The following AGAP1 variants were observed in gnomAD, a reference collection of about 807,000 sequenced individuals.
AGAP1 encodes the protein arf-GAP with GTPase, ANK repeat and PH domain-containing protein 1.
AGAP1 carries 29 observed loss-of-function variants against 105.3 expected under a neutral mutation model. That is an observed-to-expected ratio of 0.28 (90% confidence interval 0.21 to 0.38). AGAP1 has a LOEUF of 0.38. Among genes scored for constraint, AGAP1 ranks in the 10% least tolerant of loss-of-function variants. The pLI, the probability that AGAP1 is intolerant of heterozygous loss-of-function variation, is 1.00. For synonymous variants in AGAP1, 509 were observed against 485.9 expected (o/e 1.05, Z -0.63); for missense variants, 998 against 1,165.1 (o/e 0.86, Z 2.09).
intron 2 of AGAP1, 111 bp downstream of exon 2, chr2:235,709,348 T>C: frequency 8.1e-7 from 1 of 1,233,596 alleles, no homozygotes; most frequent in Non-Finnish European, 1.2e-6. Context: ...AGTGGAAGTG[T>C]GACTCTGGGT....
intron 1 of AGAP1, among the ~76,000 whole-genome samples, chr2:235,524,100 T>C (rs565801516): frequency 6.6e-6 from 1 of 152,316 alleles, no homozygotes; most frequent in East Asian, 1.9e-4. Flanking sequence ...AAGGGCTGTG[T>C]CACTGTAGAC....
At chr2:235,991,226 T>C (rs910508332) in intron 13 of AGAP1, among the ~76,000 whole-genome samples, 41 of 152,384 alleles carry the variant, frequency 2.7e-4, no homozygotes, top group Non-Finnish European at 4.9e-4. Flanking sequence ...AGAATTATTA[T>C]GCATTTCTTA....
At chr2:235,804,909 C>T (rs1425583109) in intron 8 of AGAP1, among the ~76,000 whole-genome samples, 3 of 152,308 alleles carry the variant, frequency 2.0e-5, no homozygotes, top group South Asian at 2.1e-4. Flanking sequence ...GATGATTCCT[C>T]GGATCCATTC....
Position 235,970,206 on chromosome 2 carries a change from TAAAAAAAAAA to T in AGAP1, c.1645+1596_1645+1605del, listed in dbSNP as rs35825564. ...GGGCGACAGAGTGAGACTCTGTCTTTAAAAAAAAAAAAAAAAAAAAAAGACGATTTTTCTC... is the reference window on the plus strand; with the variant it reads ...GGGCGACAGAGTGAGACTCTGTCTTTAAAAAAAAAAAAGACGATTTTTCTC... On this transcript the variant is annotated intron_variant, in intron 13 of 17. Transcript: ENST00000304032. The surrounding 1 kb of genome is among the most constrained non-coding windows in gnomAD (Gnocchi z 5.4). 6.8e-5 allele frequency among the ~76,000 whole-genome samples: 8 copies of T among 117,904 alleles called. No individual in the cohort carries two copies. Among genetic ancestry groups the T allele is most frequent in the Non-Finnish European group, 1.4e-4 (8 of 58,382 alleles). 77.3% of individuals were successfully genotyped at this position (117,904 alleles called of 152,430 possible). A position where few individuals can be genotyped will look rare whatever the true frequency, so the allele number is the denominator to read the frequency against.
chr2:236,027,279 T>G lies in AGAP1; in HGVS notation c.1646-9282T>G, dbSNP rs1452799660. Among the ~76,000 whole-genome samples the G allele has an allele frequency of 6.6e-6, 1 of 152,076 alleles. No individual in the cohort carries two copies. Among genetic ancestry groups the G allele is most frequent in the Admixed American group, 6.6e-5 (1 of 15,266 alleles). ...AAAATGAAGCCACCTAAAGACAGGA[T>G]CCTGGGAAACACATGGGCCTAGCAT... On this transcript the variant is annotated intron_variant, in intron 13 of 17. Coordinates refer to ENST00000304032, the MANE Select transcript of AGAP1 (RefSeq NM_001037131.3). The surrounding 1 kb of genome is among the most constrained non-coding windows in gnomAD (Gnocchi z 4.4).
intron 9 of AGAP1, among the ~76,000 whole-genome samples, chr2:235,869,323 G>T (rs1002117613): frequency 1.4e-5 from 2 of 145,966 alleles, no homozygotes; most frequent in African/African-American, 5.0e-5. Context: ...GGTGGCTCAC[G>T]CCTGTAATCC....
chr2:235,495,580 G>A (rs1157427936), intron 1 of AGAP1, among the ~76,000 whole-genome samples: 1 of 152,184 alleles, frequency 6.6e-6, no homozygotes, highest in Non-Finnish European at 1.5e-5. Flanking sequence ...TTTTAAGAGG[G>A]GCAGGATGCT....
At chr2:235,681,212 T>C (rs897223762) in intron 1 of AGAP1, among the ~76,000 whole-genome samples, 13 of 152,194 alleles carry the variant, frequency 8.5e-5, no homozygotes, top group African/African-American at 2.9e-4. Flanking sequence ...GGCTTCACCG[T>C]GTTAGCCAGG....
intron 9 of AGAP1, chr2:235,852,791 A>T (rs1290495143): frequency 6.5e-7 from 1 of 1,534,750 alleles, no homozygotes; most frequent in South Asian, 1.2e-5. Context: ...GGGTGGTCAG[A>T]CCAGCCCGCA....
At chr2:235,800,782 C>T (rs1455529873) in intron 8 of AGAP1, among the ~76,000 whole-genome samples, 2 of 152,282 alleles carry the variant, frequency 1.3e-5, no homozygotes, top group Non-Finnish European at 2.9e-5. Context: ...GGGTAGCAAC[C>T]AGGGGTGCTG....
At chr2:235,591,195 T>C (rs1383362091) in intron 1 of AGAP1, among the ~76,000 whole-genome samples, 1 of 152,028 alleles carries the variant, frequency 6.6e-6, no homozygotes, top group African/African-American at 2.4e-5. Context: ...TTTGCATTTT[T>C]AGTAGAGATG....
intron 11 of AGAP1, among the ~76,000 whole-genome samples, chr2:235,923,141 G>A (rs531488921): frequency 2.6e-5 from 4 of 152,302 alleles, no homozygotes; most frequent in Admixed American, 6.5e-5. Flanking sequence ...GGGCCATGTC[G>A]TCAGTCATGT....
chr2:235,766,820 C>G (rs1207439534), intron 6 of AGAP1, among the ~76,000 whole-genome samples: 1 of 151,924 alleles, frequency 6.6e-6, no homozygotes, highest in Non-Finnish European at 1.5e-5. Flanking sequence ...CGGCTCACTG[C>G]TACCTCCACT....
At chr2:235,838,545 C>G (rs1960439149) in intron 9 of AGAP1, among the ~76,000 whole-genome samples, 3 of 152,138 alleles carry the variant, frequency 2.0e-5, no homozygotes, top group Non-Finnish European at 4.4e-5. Context: ...TTGTACCAGC[C>G]AGCATTTACT....
At chr2:235,841,825 T>C (rs938621831) in intron 9 of AGAP1, among the ~76,000 whole-genome samples, 2 of 152,198 alleles carry the variant, frequency 1.3e-5, no homozygotes, top group Admixed American at 6.5e-5. Context: ...GCATAAGTTA[T>C]ATTCCTGCCT....
intron 9 of AGAP1, chr2:235,852,562 A>G (rs1036693192): frequency 8.6e-6 from 8 of 934,782 alleles, no homozygotes; most frequent in African/African-American, 6.7e-5. Context: ...GTCAAGTTTT[A>G]TCTCTTAATG....
chr2:235,832,971 C>T (rs530877496), intron 9 of AGAP1, among the ~76,000 whole-genome samples: 49 of 152,322 alleles, frequency 3.2e-4, no homozygotes, highest in Admixed American at 3.9e-4. Context: ...CTGCCCTGAC[C>T]GAGGACCAGG....
rs561012814 is a variant in AGAP1 at position 236,080,760 on chromosome 2, C to T, written c.2114+31479C>T. ...TAGAGGCTGTGAGAGAGTCCATGCC[C>T]CTGTCTGTTCCAGCTTCTAGAAGCT... is the stretch of plus-strand genomic sequence containing the variant. On this transcript the variant is annotated intron_variant, in intron 16 of 17. Transcript: ENST00000304032. This position sits in a 1 kb window ranked among gnomAD's most constrained non-coding sequence, Gnocchi z 4.2. Among the ~76,000 whole-genome samples, 2 of 152,068 alleles carry T rather than the reference C, an allele frequency of 1.3e-5. No homozygotes were observed. The highest frequency in any genetic ancestry group is 6.6e-5 in the Admixed American group (1 of 15,266).
In AGAP1 at chr2:235,891,887, CTCACACCTGTAATCCCAG is replaced by C. The variant is rs1559614539; in HGVS notation, c.1155+8439_1155+8456del. 5.3e-5 allele frequency among the ~76,000 whole-genome samples: 8 copies of C among 152,290 alleles called. No homozygotes were observed. The East Asian group carries it at 1.5e-3, about 29-fold the overall frequency. Reference sequence around the variant, plus strand: ...ACCTCCTTCTGGCCAGGTGTGGTGGCTCACACCTGTAATCCCAGCACTTTGGGAGGCTGAGGTGGATGG... The same window carrying C: ...ACCTCCTTCTGGCCAGGTGTGGTGGCCACTTTGGGAGGCTGAGGTGGATGG... On this transcript the variant is annotated intron_variant, in intron 10 of 17. Transcript: ENST00000304032. The surrounding 1 kb of genome is among the most constrained non-coding windows in gnomAD (Gnocchi z 4.2).
Sources: gnomAD v4.1 joint callset for allele counts (sites outside exome capture counted in the v4.1 genomes callset) on GRCh38, gnomAD v4.1.1 for gene constraint, Gnocchi (gnomAD v3.1) non-coding constraint, MANE v1.5 for transcripts, NCBI Gene and HGNC (gene_info 2026-07-23, HGNC 2026-07-21) for gene names.